Variants in PECR observed in about 807,000 individuals in gnomAD.
PECR encodes the protein peroxisomal trans-2-enoyl-CoA reductase.
PECR carries 30 observed loss-of-function variants against 35.3 expected under a neutral mutation model. The ratio of observed to expected loss-of-function variants is 0.85; its 90% confidence interval spans 0.64 to 1.15. PECR has a LOEUF of 1.15. Among genes scored for constraint, PECR ranks in the 50% most tolerant of loss-of-function variants. PECR has a pLI of 0.00. For synonymous variants in PECR, 148 were observed against 138.9 expected (o/e 1.07, Z -0.46); for missense variants, 392 against 370.8 (o/e 1.06, Z -0.47).
downstream of PECR, among the ~76,000 whole-genome samples, chr2:216,037,328 G>C (rs183817147): frequency 1.3e-3 from 193 of 152,290 alleles, no homozygotes; most frequent in African/African-American, 4.5e-3. Flanking sequence ...GTGCTACATA[G>C]GCAGGTTCTG....
intron 7 of PECR, among the ~76,000 whole-genome samples, chr2:216,042,140 T>C (rs1431046984): frequency 2.0e-5 from 3 of 152,334 alleles, no homozygotes; most frequent in East Asian, 1.9e-4. Flanking sequence ...CCTGTGGGAC[T>C]GAGCCCTCAG....
At chr2:216,065,531 C>A (rs558943243) in intron 2 of PECR, 54 bp from the exon 3 acceptor site, 30 of 1,051,192 alleles carry the variant, frequency 2.9e-5, no homozygotes, top group Non-Finnish European at 4.0e-5. Context: ...GCCTAACTTG[C>A]TACCTCGCCT....
chr2:216,079,196 G>A (rs202215969), intron 1 of PECR, among the ~76,000 whole-genome samples: 6 of 90,044 alleles, frequency 6.7e-5, no homozygotes, highest in African/African-American at 2.6e-4. Flanking sequence ...TTTTTTTTTA[G>A]TTCATACTGT....
At chr2:216,029,763 G>C (rs1222867037) in intron 7 of PECR, among the ~76,000 whole-genome samples, 1 of 152,242 alleles carries the variant, frequency 6.6e-6, no homozygotes, top group Non-Finnish European at 1.5e-5. Flanking sequence ...TTCAGGCAAA[G>C]TTGCACAGCA....
chr2:216,052,932 C>A (rs1417971669), intron 4 of PECR, among the ~76,000 whole-genome samples: 1 of 151,998 alleles, frequency 6.6e-6, no homozygotes, highest in Non-Finnish European at 1.5e-5. Context: ...CGGCTCACTG[C>A]AACCTCTGCT....
chr2:216,041,419 A>G (rs1280908346), intron 7 of PECR, among the ~76,000 whole-genome samples: 1 of 152,200 alleles, frequency 6.6e-6, no homozygotes, highest in South Asian at 2.1e-4. Context: ...AGACCCTTAA[A>G]ACTACAGTAT....
chr2:216,055,954 C>T (rs1253790704), intron 4 of PECR, among the ~76,000 whole-genome samples: 3 of 152,206 alleles, frequency 2.0e-5, no homozygotes, highest in Non-Finnish European at 4.4e-5. Flanking sequence ...TTCTCCTCCT[C>T]ATATGTCACC....
chr2:216,071,396 G>A (rs978611941), intron 1 of PECR, among the ~76,000 whole-genome samples: 5 of 152,096 alleles, frequency 3.3e-5, no homozygotes, highest in African/African-American at 1.2e-4. Context: ...ATTAACAGAA[G>A]GCACATGGAA....
At chr2:216,068,724 A>G (rs1292937182) in intron 1 of PECR, among the ~76,000 whole-genome samples, 1 of 150,298 alleles carries the variant, frequency 6.7e-6, no homozygotes, top group Admixed American at 6.6e-5. Flanking sequence ...TGCAGCCTTG[A>G]CCTTCCAGGA....
chr2:216,075,489 T>C (rs1427490612), intron 1 of PECR, among the ~76,000 whole-genome samples: 1 of 152,136 alleles, frequency 6.6e-6, no homozygotes, highest in Non-Finnish European at 1.5e-5. Context: ...TTCTATACTG[T>C]TTTAATTTAT....
intron 3 of PECR, among the ~76,000 whole-genome samples, chr2:216,061,429 T>G (rs948755663): frequency 2.0e-5 from 3 of 151,476 alleles, no homozygotes; most frequent in Admixed American, 1.3e-4. Context: ...TACTTATAGT[T>G]TACAAATAGA....
chr2:216,075,982 T>A (rs1272119283), intron 1 of PECR, among the ~76,000 whole-genome samples: 1 of 152,230 alleles, frequency 6.6e-6, no homozygotes, highest in Non-Finnish European at 1.5e-5. Context: ...TTGACGATGC[T>A]AGGTTTTCCT....
At chr2:216,055,753 C>T (rs1393890348) in intron 4 of PECR, among the ~76,000 whole-genome samples, 1 of 152,134 alleles carries the variant, frequency 6.6e-6, no homozygotes, top group African/African-American at 2.4e-5. Context: ...TGTAGGAACC[C>T]CTGATGCACT....
At chr2:216,044,618 C>T (rs910341468) in intron 6 of PECR, among the ~76,000 whole-genome samples, 4 of 152,072 alleles carry the variant, frequency 2.6e-5, no homozygotes, top group Admixed American at 2.0e-4. Flanking sequence ...GGGAGCATTG[C>T]GTGGGCCTAA....
Position 216,068,346 on chromosome 2 carries a change from C to T in PECR, c.125-1828G>A, listed in dbSNP as rs180850420. 1.4e-4 allele frequency among the ~76,000 whole-genome samples: 21 copies of T among 149,012 alleles called. No individual in the cohort carries two copies. In the East Asian group the frequency reaches 4.0e-3, roughly 28 times the overall value. On this transcript the variant is annotated intron_variant, in intron 1 of 7. Coordinates refer to ENST00000265322, the MANE Select transcript of PECR (RefSeq NM_018441.6). ...AGAGAAAAACAACACATTAAGTATA[C>T]AACAAGAAAGATAAAGACTTCTTTC... is the stretch of plus-strand genomic sequence containing the variant.
chr2:216,038,251 C>G (rs149286425), downstream of PECR, among the ~76,000 whole-genome samples: 12 of 152,230 alleles, frequency 7.9e-5, no homozygotes, highest in East Asian at 2.3e-3. Context: ...CAGACTGGAG[C>G]CACGGAAGGC....
At chr2:216,066,553 C>A (rs1032651228) in intron 1 of PECR, 35 bp from the exon 2 acceptor site, 4 of 1,602,934 alleles carry the variant, frequency 2.5e-6, no homozygotes, top group African/African-American at 1.4e-5. Context: ...AATAAATATG[C>A]CTTCATGGGA....
At chr2:216,047,445 C>T (rs1197801289) in intron 6 of PECR, among the ~76,000 whole-genome samples, 1 of 151,912 alleles carries the variant, frequency 6.6e-6, no homozygotes, top group Non-Finnish European at 1.5e-5. Context: ...GTATATAATA[C>T]AGGATAGGGA....
chr2:216,060,590 G>C (rs1695319309), intron 3 of PECR, among the ~76,000 whole-genome samples: 1 of 152,118 alleles, frequency 6.6e-6, no homozygotes, highest in South Asian at 2.1e-4. Flanking sequence ...TTGACCCCAG[G>C]AGTTCAAGGT....
Sources: gnomAD v4.1 joint callset for allele counts (sites outside exome capture counted in the v4.1 genomes callset) on GRCh38, gnomAD v4.1.1 for gene constraint, MANE v1.5 for transcripts, NCBI Gene and HGNC (gene_info 2026-07-23, HGNC 2026-07-21) for gene names.